The following DCPS variants were observed in gnomAD, a reference collection of about 807,000 sequenced individuals.
The protein encoded by DCPS is m7GpppX diphosphatase.
DCPS carries 27 observed loss-of-function variants against 34.7 expected under a neutral mutation model. That is an observed-to-expected ratio of 0.78 (90% CI 0.57 to 1.07). DCPS has a LOEUF of 1.07. Ranked by LOEUF, DCPS falls within the 50% of genes least tolerant of loss-of-function variation. The probability of loss-of-function intolerance (pLI) is 0.00; values close to 1 mark genes in which losing one functional copy is unlikely to be tolerated. For synonymous variants in DCPS, 185 were observed against 185.7 expected (o/e 1.00, Z 0.03); for missense variants, 464 against 436.9 (o/e 1.06, Z -0.55).
rs1030153643 is a variant in DCPS at position 126,346,303 on chromosome 11, A to G, written c.*690A>G. ...AGCCTTGAGTTTTTATCTCGGCAGG[A>G]AGACAAAACAGACTCACATGAAGCA... On this transcript the variant is annotated 3_prime_UTR_variant, in exon 6 of 6. Transcript: ENST00000263579. The surrounding 1 kb of genome is among the most constrained non-coding windows in gnomAD (Gnocchi z 4.1). 6.6e-6 allele frequency among the ~76,000 whole-genome samples: 1 copy of G among 152,270 alleles called. No homozygotes were observed. The highest frequency in any genetic ancestry group is 1.5e-5 in the Non-Finnish European group (1 of 68,016).
At chr11:126,304,316 A>G (rs754191059) in intron 1 of DCPS, 35 bp downstream of exon 1, 6 of 1,608,128 alleles carry the variant, frequency 3.7e-6, no homozygotes, top group South Asian at 1.1e-5. Context: ...GGATGCGGGA[A>G]GCAGTGAACC....
At chr11:126,309,024 C>CTTT (rs543850318) in intron 2 of DCPS, among the ~76,000 whole-genome samples, 5 of 138,410 alleles carry the variant, frequency 3.6e-5, no homozygotes, top group South Asian at 2.3e-4. Context: ...TTTCCTGCCC[C>CTTT]TTTTTTTTTT....
At chr11:126,305,337 A>T (rs1951554982) in intron 1 of DCPS, among the ~76,000 whole-genome samples, 2 of 145,562 alleles carry the variant, frequency 1.4e-5, no homozygotes, top group Admixed American at 6.9e-5. Flanking sequence ...CTGGTCTCGA[A>T]CTCCTGACCT....
rs1951723151 is a variant in DCPS at position 126,323,834 on chromosome 11, TTTTG to T, written c.377-7563_377-7560del. 6.6e-6 allele frequency among the ~76,000 whole-genome samples: 1 copy of T among 152,088 alleles called. No homozygotes were observed. Among genetic ancestry groups the T allele is most frequent in the African/African-American group, 2.4e-5 (1 of 41,396 alleles). On this transcript the variant is annotated intron_variant, in intron 2 of 5. Transcript: ENST00000263579. This position sits in a 1 kb window ranked among gnomAD's most constrained non-coding sequence, Gnocchi z 4.4. Reference sequence around the variant, plus strand: ...ACCAAACCTGACCCTAAAGTTGTTTTTTTGTTTGTTTTTTGAGATGGTGTCTTGC... The same window carrying T: ...ACCAAACCTGACCCTAAAGTTGTTTTTTTGTTTTTTGAGATGGTGTCTTGC...
chr11:126,310,126 T>A (rs1951608728), intron 2 of DCPS, among the ~76,000 whole-genome samples: 1 of 152,186 alleles, frequency 6.6e-6, no homozygotes. Flanking sequence ...ACAGAATCAC[T>A]GGAGTCTGCA....
At position 126,331,657 on chromosome 11, in the gene DCPS, AGGGGATGG is replaced by A. The variant is rs1951794929; in HGVS notation, c.522+111_522+118del. 3.6e-6 allele frequency: 5 copies of A among 1,402,924 alleles called. No individual in the cohort carries two copies. The South Asian group carries it at 6.6e-5, about 19-fold the overall frequency. The allele number at this position is 1,402,924 out of a possible 1,614,324, so 86.9% of individuals were successfully genotyped here. A position where few individuals can be genotyped will look rare whatever the true frequency, so the allele number is the denominator to read the frequency against. On this transcript the variant is annotated intron_variant, in intron 3 of 5. Transcript: ENST00000263579. The surrounding 1 kb of genome is among the most constrained non-coding windows in gnomAD (Gnocchi z 7.2). ...TAGGGGCCAGGCGCTGTGCTGGGCG[AGGGGATGG>A]GGGTACAGTAGAGAGCATGGCGGAC...
chr11:126,347,846 G>T lies in DCPS; in HGVS notation c.*2233G>T, dbSNP rs995714124. 3.9e-5 allele frequency among the ~76,000 whole-genome samples: 6 copies of T among 152,162 alleles called. No homozygotes were observed. Among genetic ancestry groups the T allele is most frequent in the African/African-American group, 1.4e-4 (6 of 41,446 alleles). ...GTGACCCGCTTCCCCTCTGAAAGCA[G>T]ATGTGGTCCCAACAAGCAAACACGG... On this transcript the variant is annotated 3_prime_UTR_variant, in exon 6 of 6. Coordinates refer to ENST00000263579, the MANE Select transcript of DCPS (RefSeq NM_014026.6). This position sits in a 1 kb window ranked among gnomAD's most constrained non-coding sequence, Gnocchi z 4.2.
In DCPS at chr11:126,322,305, C is replaced by G. The variant is rs553412906; in HGVS notation, c.377-9100C>G. On this transcript the variant is annotated intron_variant, in intron 2 of 5. Coordinates refer to ENST00000263579, the MANE Select transcript of DCPS (RefSeq NM_014026.6). The surrounding 1 kb of genome is among the most constrained non-coding windows in gnomAD (Gnocchi z 4.2). ...TTGAGACAGAGTCTCACTTTGTCGC[C>G]CAGGCTGGAGTGCATTGGTGCCATC... Among the ~76,000 whole-genome samples the G allele has an allele frequency of 6.6e-6, 1 of 152,234 alleles. No homozygotes were observed. The highest frequency in any genetic ancestry group is 2.4e-5 in the African/African-American group (1 of 41,528).
At position 126,304,346 on chromosome 11, in the gene DCPS, G is replaced by A. The variant is rs912812137; in HGVS notation, c.201+65G>A. ...TGAACCAATCATCGCCTCGGAGGCA[G>A]ATTTTTTTTTTTCGGATCTCGGCTG... On this transcript the variant is annotated intron_variant, in intron 1 of 5. Coordinates refer to ENST00000263579, the MANE Select transcript of DCPS (RefSeq NM_014026.6). 53 of 1,578,704 alleles carry A rather than the reference G, an allele frequency of 3.4e-5. No individual in the cohort carries two copies. In the African/African-American group the frequency reaches 6.8e-4, roughly 20 times the overall value.
Position 126,331,443 on chromosome 11 carries a change from CACCTG to C in DCPS, c.416_420del (p.His139ProfsTer17), listed in dbSNP as rs1951791541. 1.2e-6 allele frequency: 2 copies of C among 1,614,180 alleles called. No homozygotes were observed. The highest frequency in any genetic ancestry group is 4.5e-5 in the East Asian group (2 of 44,884). On this transcript the variant is annotated frameshift_variant, in exon 3 of 6. Coordinates refer to ENST00000263579, the MANE Select transcript of DCPS (RefSeq NM_014026.6). LOFTEE classifies it high-confidence loss of function. This position sits in a 1 kb window ranked among gnomAD's most constrained non-coding sequence, Gnocchi z 7.2. ...CGTGGTTTACCCTGCCACAGAGAAA[CACCTG>C]CAGAAGTACCTGCGCCAGGACCTCC...
chr11:126,344,812 A>T lies in DCPS; in HGVS notation c.748-535A>T, dbSNP rs1951904701. Among the ~76,000 whole-genome samples, 1 of 152,046 alleles carries T rather than the reference A, an allele frequency of 6.6e-6. No individual in the cohort carries two copies. The highest frequency in any genetic ancestry group is 6.5e-5 in the Admixed American group (1 of 15,274). On this transcript the variant is annotated intron_variant, in intron 5 of 5. Coordinates refer to ENST00000263579, the MANE Select transcript of DCPS (RefSeq NM_014026.6). The surrounding 1 kb of genome is among the most constrained non-coding windows in gnomAD (Gnocchi z 8.1). ...TGAGACTTCGCCAGGTCTGTGTGGGAGCAGCCCCTCCCATACCCCTTCCAC... is the reference window on the plus strand; with the variant it reads ...TGAGACTTCGCCAGGTCTGTGTGGGTGCAGCCCCTCCCATACCCCTTCCAC...
Position 126,333,393 on chromosome 11 carries a change from T to C in DCPS, c.522+1843T>C, listed in dbSNP as rs945700678. Among the ~76,000 whole-genome samples the C allele has an allele frequency of 6.6e-6, 1 of 152,114 alleles. No homozygotes were observed. Among genetic ancestry groups the C allele is most frequent in the Admixed American group, 6.5e-5 (1 of 15,270 alleles). On this transcript the variant is annotated intron_variant, in intron 3 of 5. Transcript: ENST00000263579. The surrounding 1 kb of genome is among the most constrained non-coding windows in gnomAD (Gnocchi z 5.7). The stretch of plus-strand genomic sequence containing the variant: ...TGAAACCTAGACAGGATCTTCACAG[T>C]GTAACAGGGAAGATAGACTTGTAAA...
rs1283388399 is a variant in DCPS at position 126,328,747 on chromosome 11, A to T, written c.377-2658A>T. ...GCCCATCTCTCCCCCACTCTCAGGG[A>T]GCTCCACTGCCCAACCCAGGCAACG... On this transcript the variant is annotated intron_variant, in intron 2 of 5. Coordinates refer to ENST00000263579, the MANE Select transcript of DCPS (RefSeq NM_014026.6). This position sits in a 1 kb window ranked among gnomAD's most constrained non-coding sequence, Gnocchi z 6.6. Among the ~76,000 whole-genome samples, 1 of 152,156 alleles carries T rather than the reference A, an allele frequency of 6.6e-6. No homozygotes were observed. Among genetic ancestry groups the T allele is most frequent in the African/African-American group, 2.4e-5 (1 of 41,424 alleles).
chr11:126,326,490 A>C (rs1346016669), intron 2 of DCPS, among the ~76,000 whole-genome samples: 1 of 152,168 alleles, frequency 6.6e-6, no homozygotes, highest in African/African-American at 2.4e-5. Context: ...AAATGAGTTC[A>C]TTTTTGCGTG....
rs190694593 is a variant in DCPS, at chr11:126,328,802, C to G, written c.377-2603C>G. On this transcript the variant is annotated intron_variant, in intron 2 of 5. Coordinates refer to ENST00000263579, the MANE Select transcript of DCPS (RefSeq NM_014026.6). The surrounding 1 kb of genome is among the most constrained non-coding windows in gnomAD (Gnocchi z 6.6). ...CAACAGCGGAGAGAATCCAAGCTAG[C>G]CTGGGGGGAGCGCTTTTCTCCATGT... Among the ~76,000 whole-genome samples the G allele has an allele frequency of 2.1e-3, 322 of 152,312 alleles. 1 individual carries two copies. The highest frequency in any genetic ancestry group is 7.2e-3 in the African/African-American group (301 of 41,576).
At chr11:126,310,266 C>T (rs971597241) in intron 2 of DCPS, among the ~76,000 whole-genome samples, 5 of 152,190 alleles carry the variant, frequency 3.3e-5, no homozygotes, top group East Asian at 1.9e-4. Context: ...CCAAGAACTC[C>T]GGGCTCATAT....
chr11:126,305,618 A>C (rs1951557988), intron 1 of DCPS, among the ~76,000 whole-genome samples: 2 of 150,594 alleles, frequency 1.3e-5, no homozygotes, highest in Admixed American at 6.6e-5. Context: ...ACAGGGTTTC[A>C]CCATGTTGGC....
In DCPS at chr11:126,306,610, T is replaced by C. The variant is rs1469592963; in HGVS notation, c.242T>C (p.Val81Ala). ...GGGGATGGGGATGGAGAGGATGCCG[T>C]TGTGATCCTGGAGAAGACGCCATTT... ...ASGDGDGEDA[V>A]VILEKTPFQV... The change falls in exon 2 of 6, where the codon GTT (valine) becomes GCT (alanine). Residue 81 changes from valine to alanine, a missense_variant. Physicochemically the swap from Val to Ala is moderately conservative, Grantham distance 64. Transcript: ENST00000263579. 1 of 1,613,014 alleles carries C rather than the reference T, an allele frequency of 6.2e-7. No homozygotes were observed. Among genetic ancestry groups the C allele is most frequent in the Admixed American group, 1.7e-5 (1 of 59,952 alleles).
At position 126,344,518 on chromosome 11, in the gene DCPS, G is replaced by A. The variant is rs756099062; in HGVS notation, c.748-829G>A. 1.1e-4 allele frequency among the ~76,000 whole-genome samples: 16 copies of A among 152,192 alleles called. No homozygotes were observed. In the East Asian group the frequency reaches 2.5e-3, roughly 24 times the overall value. ...GGTGCCTTGGCCCTGGTCTCGCCCC[G>A]CTGCAGGGATTCCTGGGGTGAGCTC... On this transcript the variant is annotated intron_variant, in intron 5 of 5. Coordinates refer to ENST00000263579, the MANE Select transcript of DCPS (RefSeq NM_014026.6). The surrounding 1 kb of genome is among the most constrained non-coding windows in gnomAD (Gnocchi z 8.1).
Sources: gnomAD v4.1 joint callset for allele counts (sites outside exome capture counted in the v4.1 genomes callset) on GRCh38, gnomAD v4.1.1 for gene constraint, Gnocchi (gnomAD v3.1) non-coding constraint, MANE v1.5 for transcripts, NCBI Gene and HGNC (gene_info 2026-07-23, HGNC 2026-07-21) for gene names.